The following SPG7 variants were observed in gnomAD, a reference collection of about 807,000 sequenced individuals.
SPG7 encodes mitochondrial inner membrane m-AAA protease component paraplegin.
SPG7 carries 103 observed loss-of-function variants against 81.9 expected under a neutral mutation model. The observed-to-expected ratio is 1.26, with a 90% CI of 1.07 to 1.48. The LOEUF is 1.48. SPG7 is among the 40% of genes most tolerant of loss of function. The pLI, the probability that SPG7 is intolerant of heterozygous loss-of-function variation, is 0.00. For synonymous variants in SPG7, 534 were observed against 444.2 expected (o/e 1.20, Z -2.54); for missense variants, 1,241 against 1,087.3 (o/e 1.14, Z -1.99).
At chr16:89,547,800 A>G (rs2058582805) in intron 11 of SPG7, 1 of 559,400 alleles carries the variant, frequency 1.8e-6, no homozygotes, top group Non-Finnish European at 3.3e-6. Context: ...TTTAGTAGCA[A>G]TAGGGTTTCA....
intron 3 of SPG7, among the ~76,000 whole-genome samples, chr16:89,513,996 C>T (rs1396624013): frequency 2.0e-5 from 3 of 152,016 alleles, no homozygotes; most frequent in African/African-American, 4.8e-5. Flanking sequence ...TTGTGTGAGA[C>T]GCTGCATTTG....
At chr16:89,555,044 T>A (rs922085223) in intron 16 of SPG7, 1 of 177,228 alleles carries the variant, frequency 5.6e-6, no homozygotes, top group African/African-American at 2.4e-5. Context: ...GCCTCCCGAG[T>A]AGCTGCGACT....
At chr16:89,531,488 C>G (rs1294459009) in intron 7 of SPG7, 1 of 234,416 alleles carries the variant, frequency 4.3e-6, no homozygotes, top group African/African-American at 2.3e-5. Context: ...ATTCTCCTGC[C>G]TCAGCCTCCC....
At chr16:89,513,700 A>T (rs975700690) in intron 3 of SPG7, among the ~76,000 whole-genome samples, 1 of 152,072 alleles carries the variant, frequency 6.6e-6, no homozygotes, top group African/African-American at 2.4e-5. Context: ...GAAGGGTTGA[A>T]CTCAGCTTCA....
chr16:89,553,485 T>C, intron 14 of SPG7: 1 of 529,006 alleles, frequency 1.9e-6, no homozygotes, highest in Non-Finnish European at 3.4e-6. Context: ...CGGGGGCCCC[T>C]GGGCTCCAGG....
chr16:89,551,694 G>C (rs1597662792), intron 13 of SPG7: 1 of 152,360 alleles, frequency 6.6e-6, no homozygotes, highest in East Asian at 1.9e-4. Flanking sequence ...TTCGAGACCA[G>C]CCTGGCCAAC....
rs148315471 is a variant in SPG7 at position 89,510,505 on chromosome 16, C to T, written c.199C>T (p.Leu67=). 1,059 of 1,534,216 alleles carry T rather than the reference C, an allele frequency of 6.9e-4. No individual in the cohort carries two copies. Among genetic ancestry groups the T allele is most frequent in the Admixed American group, 1.7e-3 (98 of 59,144 alleles). The change falls in exon 2 of 17, where the codon CTG becomes TTG. Residue 67 remains leucine, a synonymous_variant. Transcript: ENST00000645818. ...TTTTTTTCAGAGCTTACAATTGAGA[C>T]TGCTAACCCCTACCTTTGAAGGGAT... The part of the protein sequence containing the change: ...GRALQSLQLR[L]LTPTFEGING...
chr16:89,509,328 G>A (rs1167430809), intron 1 of SPG7, among the ~76,000 whole-genome samples: 1 of 151,584 alleles, frequency 6.6e-6, no homozygotes, highest in African/African-American at 2.4e-5. Context: ...TTGGCTCACT[G>A]CAACCTCCGC....
At position 89,557,093 on chromosome 16, in the gene SPG7, G is replaced by C; in HGVS notation, c.2388G>C (p.Ter796TyrextTer14). 6.2e-7 allele frequency: 1 copy of C among 1,610,324 alleles called. No homozygotes were observed. The highest frequency in any genetic ancestry group is 1.1e-5 in the South Asian group (1 of 90,978). Residue 796 changes from the stop codon to tyrosine (Y), a stop_lost, in exon 17 of 17, where the codon TAG becomes TAC. Transcript: ENST00000645818. ...GCGAAGAGCCGACTTGGCCCAAGTA[G>C]TTGGGAGGTGTTGGCTGCACGTGCG... Reference protein sequence around the residue: ...LGGEEPTWPK* With the variant: ...LGGEEPTWPKY
Position 89,524,096 on chromosome 16 carries a change from A to G in SPG7, c.467A>G (p.Asn156Ser). The G allele has an allele frequency of 6.2e-7, 1 of 1,613,996 alleles. No homozygotes were observed. The highest frequency in any genetic ancestry group is 8.5e-7 in the Non-Finnish European group (1 of 1,180,006). ...LVIAVVMSLL[N>S]ALSTSGGSIS... ...ATCGCGGTTGTCATGAGCCTCCTGA[A>G]TGCTCTCAGCACCAGCGGAGGCAGC... is the stretch of plus-strand genomic sequence containing the variant. The change falls in exon 4 of 17, where the codon AAT becomes AGT. Residue 156 changes from asparagine to serine, a missense_variant. By Grantham distance (46) the Asn-to-Ser change is conservative. Coordinates refer to ENST00000645818, the MANE Select transcript of SPG7 (RefSeq NM_003119.4).
chr16:89,522,038 T>C (rs2058194810), intron 3 of SPG7: 1 of 152,214 alleles, frequency 6.6e-6, no homozygotes, highest in Non-Finnish European at 1.5e-5. Context: ...GGTAATTAAA[T>C]ATTGGAAGTA....
At chr16:89,531,356 G>C in intron 7 of SPG7, 1 of 189,084 alleles carries the variant, frequency 5.3e-6, no homozygotes, top group Non-Finnish European at 1.1e-5. Flanking sequence ...CCCTGTCTCT[G>C]CAAAACATTT....
chr16:89,554,467 C>T lies in SPG7; in HGVS notation c.2104-19C>T. The stretch of plus-strand genomic sequence containing the variant: ...CAGGCGGCCAGCCTTGCCCCTGACA[C>T]AGTTCCCTCCACTCACAGGAAGCAA... On this transcript the variant is annotated intron_variant, in intron 15 of 16. Transcript: ENST00000645818. The T allele has an allele frequency of 3.8e-6, 6 of 1,590,188 alleles. No individual in the cohort carries two copies. Among genetic ancestry groups the T allele is most frequent in the Non-Finnish European group, 5.2e-6 (6 of 1,164,814 alleles).
chr16:89,542,123 G>A (rs940820952), intron 9 of SPG7: 1 of 152,378 alleles, frequency 6.6e-6, no homozygotes, highest in African/African-American at 2.4e-5. Context: ...GCCCCCTCTA[G>A]GAGCTCGCAC....
intron 9 of SPG7, chr16:89,536,962 A>C: frequency 6.2e-7 from 1 of 1,614,070 alleles, no homozygotes; most frequent in African/African-American, 1.3e-5. Context: ...AGCGTATATC[A>C]AACGATCTTC....
In SPG7 at chr16:89,547,003, T is replaced by A; in HGVS notation, c.1552+243T>A. On this transcript the variant is annotated intron_variant, in intron 11 of 16. Coordinates refer to ENST00000645818, the MANE Select transcript of SPG7 (RefSeq NM_003119.4). ...AGACGGTGGTTCCCGGTCTGTGTTG[T>A]TTCCAGAGATAGTGGAGTTATGTTG... 3 of 512,478 alleles carry A rather than the reference T, an allele frequency of 5.9e-6. No homozygotes were observed. In the South Asian group the frequency reaches 5.9e-5, roughly 10 times the overall value. 31.7% of individuals were successfully genotyped at this position (512,478 alleles called of 1,614,324 possible).
At position 89,554,457 on chromosome 16, in the gene SPG7, G is replaced by A. The variant is rs575940033; in HGVS notation, c.2104-29G>A. 47 of 1,552,940 alleles carry A rather than the reference G, an allele frequency of 3.0e-5. No homozygotes were observed. In the South Asian group the frequency reaches 4.4e-4, roughly 14 times the overall value. On this transcript the variant is annotated intron_variant, in intron 15 of 16. Transcript: ENST00000645818. ...GTGCTGGAGCCAGGCGGCCAGCCTT[G>A]CCCCTGACACAGTTCCCTCCACTCA...
chr16:89,532,434 A>T, intron 8 of SPG7, 29 bp from the exon 9 acceptor site: 5 of 1,612,646 alleles, frequency 3.1e-6, no homozygotes, highest in Non-Finnish European at 4.2e-6. Flanking sequence ...TTAACTGCCC[A>T]TTTCCTGATT....
In SPG7 at chr16:89,557,228, C is replaced by T; in HGVS notation, c.*135C>T. 1.6e-6 allele frequency: 1 copy of T among 640,718 alleles called. No individual in the cohort carries two copies. Among genetic ancestry groups the T allele is most frequent in the South Asian group, 1.8e-5 (1 of 56,112 alleles). The allele number at this position is 640,718 out of a possible 1,614,324, so 39.7% of individuals were successfully genotyped here. On this transcript the variant is annotated 3_prime_UTR_variant, in exon 17 of 17. Coordinates refer to ENST00000645818, the MANE Select transcript of SPG7 (RefSeq NM_003119.4). ...GTCCCTGCACAGTGACTTCTGAGAT[C>T]TGTTGATTGATGACCCTTTTCATGA... is the stretch of plus-strand genomic sequence containing the variant.
Sources: gnomAD v4.1 joint callset for allele counts (sites outside exome capture counted in the v4.1 genomes callset) on GRCh38, gnomAD v4.1.1 for gene constraint, MANE v1.5 for transcripts, NCBI Gene and HGNC (gene_info 2026-07-23, HGNC 2026-07-21) for gene names.